The following DENND2B variants were observed in gnomAD, a reference collection of about 807,000 sequenced individuals.
DENND2B encodes DENN domain-containing protein 2B.
Under a neutral mutation model 116.0 loss-of-function variants are expected in DENND2B, and 32 were observed. The ratio of observed to expected loss-of-function variants is 0.28; its 90% confidence interval spans 0.21 to 0.37. The LOEUF (loss-of-function observed/expected upper bound fraction) is 0.37. Ranked by LOEUF, DENND2B falls within the 10% of genes least tolerant of loss-of-function variation. The pLI, the probability that DENND2B is intolerant of heterozygous loss-of-function variation, is 1.00. For missense variants in DENND2B, 1,276 were observed against 1,477.7 expected (o/e 0.86, Z 2.24); for synonymous variants, 588 against 583.9 (o/e 1.01, Z -0.10).
chr11:8,725,764 C>G (rs1480997916), intron 4 of DENND2B, among the ~76,000 whole-genome samples: 2 of 152,230 alleles, frequency 1.3e-5, no homozygotes, highest in African/African-American at 4.8e-5. Context: ...TAAGGGCACA[C>G]AGCTAAGGAA....
At position 8,713,528 on chromosome 11, in the gene DENND2B, C is replaced by T. The variant is rs577093733; in HGVS notation, c.1987+470G>A. Reference sequence around the variant, plus strand: ...CCAAGTAGCTGGTATTACACGCGCCCGCCACCGTGCCTGGCTAATTTTTGT... The same window carrying T: ...CCAAGTAGCTGGTATTACACGCGCCTGCCACCGTGCCTGGCTAATTTTTGT... On this transcript the variant is annotated intron_variant, in intron 8 of 19. Coordinates refer to ENST00000313726, the MANE Select transcript of DENND2B (RefSeq NM_213618.2). Among the ~76,000 whole-genome samples the T allele has an allele frequency of 3.3e-5, 5 of 152,250 alleles. No homozygotes were observed. In the East Asian group the frequency reaches 9.7e-4, roughly 29 times the overall value.
At chr11:8,713,869 T>C in intron 8 of DENND2B, 129 bp downstream of exon 8, 1 of 933,938 alleles carries the variant, frequency 1.1e-6, no homozygotes, top group Non-Finnish European at 1.7e-6. Context: ...TTCTGGTATC[T>C]GGCCTGTCTG....
At chr11:8,839,026 G>C (rs2062531246) in intron 4 of DENND2B, among the ~76,000 whole-genome samples, 1 of 152,194 alleles carries the variant, frequency 6.6e-6, no homozygotes, top group Non-Finnish European at 1.5e-5. Flanking sequence ...TAGAAAAAAA[G>C]CCCAAAGGCA....
intron 1 of DENND2B, among the ~76,000 whole-genome samples, chr11:8,771,149 G>A (rs924699313): frequency 1.6e-4 from 25 of 152,158 alleles, no homozygotes; most frequent in Non-Finnish European, 2.2e-4. Flanking sequence ...CAAGAGCAGC[G>A]GGATGCACAA....
chr11:8,843,791 C>T (rs1387969390), intron 3 of DENND2B, among the ~76,000 whole-genome samples: 2 of 152,196 alleles, frequency 1.3e-5, no homozygotes, highest in African/African-American at 2.4e-5. Flanking sequence ...CCTTTGCACA[C>T]ACCACTCCCT....
At chr11:8,724,264 C>T (rs189807782) in intron 4 of DENND2B, among the ~76,000 whole-genome samples, 1 of 152,164 alleles carries the variant, frequency 6.6e-6, no homozygotes, top group Admixed American at 6.5e-5. Context: ...CCACTGCACT[C>T]CAGCCTGGGT....
intron 1 of DENND2B, among the ~76,000 whole-genome samples, chr11:8,800,508 T>A (rs1047570743): frequency 6.6e-6 from 1 of 152,166 alleles, no homozygotes; most frequent in South Asian, 2.1e-4. Flanking sequence ...AACAGGATGT[T>A]TGACCATCAT....
At chr11:8,891,058 C>T (rs1445093685) in intron 1 of DENND2B, among the ~76,000 whole-genome samples, 1 of 152,146 alleles carries the variant, frequency 6.6e-6, no homozygotes, top group Non-Finnish European at 1.5e-5. Flanking sequence ...AGAAACTATA[C>T]AAGCCAGAAA....
chr11:8,845,170 G>C (rs191878505), intron 3 of DENND2B: 2 of 152,228 alleles, frequency 1.3e-5, no homozygotes, highest in Admixed American at 1.3e-4. Flanking sequence ...AACATAAAAA[G>C]TAAAATTTTA....
intron 1 of DENND2B, among the ~76,000 whole-genome samples, chr11:8,896,401 A>C (rs1379707712): frequency 6.6e-6 from 1 of 152,192 alleles, no homozygotes; most frequent in Non-Finnish European, 1.5e-5. Flanking sequence ...CAGGAATTGG[A>C]ATATATTAAT....
chr11:8,892,360 T>A (rs1353633271), intron 1 of DENND2B, among the ~76,000 whole-genome samples: 2 of 151,918 alleles, frequency 1.3e-5, no homozygotes, highest in Non-Finnish European at 2.9e-5. Context: ...AGCAAACACA[T>A]TCAAAAGCTA....
In DENND2B at chr11:8,730,880, C is replaced by T. The variant is rs2048018354; in HGVS notation, c.410G>A (p.Ser137Asn). ...GVAACLPLAQ[S>N]TPFPGPAAGP... ...AGCTGCTGGCCCCGGGAATGGCGTG[C>T]TCTGGGCAAGGGGGAGGCAGGCAGC... Residue 137 changes from serine (S) to asparagine (N), a missense_variant, in exon 3 of 20, where the codon AGC becomes AAC. By Grantham distance (46) the Ser-to-Asn change is conservative (BLOSUM62 1). This residue lies in a region of DENND2B where 856 missense variants were observed against 846.6 expected (regional missense o/e 1.01). Coordinates refer to ENST00000313726, the MANE Select transcript of DENND2B (RefSeq NM_213618.2). This position sits in a 1 kb window ranked among gnomAD's most constrained non-coding sequence, Gnocchi z 4.1. The T allele has an allele frequency of 6.2e-7, 1 of 1,613,864 alleles. No homozygotes were observed. The highest frequency in any genetic ancestry group is 2.2e-5 in the East Asian group (1 of 44,866).
chr11:8,763,886 C>G (rs1181975676), intron 1 of DENND2B, among the ~76,000 whole-genome samples: 1 of 152,026 alleles, frequency 6.6e-6, no homozygotes, highest in East Asian at 1.9e-4. Context: ...ATACAGAGCT[C>G]AGCAGATTTG....
intron 18 of DENND2B, 183 bp from the exon 19 acceptor site, chr11:8,695,732 A>G: frequency 1.7e-6 from 1 of 600,318 alleles, no homozygotes; most frequent in East Asian, 2.8e-5. Flanking sequence ...CATTAGTGAC[A>G]TCTTGCCGGG....
chr11:8,706,985 G>A, intron 13 of DENND2B, 100 bp downstream of exon 13: 1 of 1,435,146 alleles, frequency 7.0e-7, no homozygotes, highest in Non-Finnish European at 9.4e-7. Flanking sequence ...AGCAAGGAGG[G>A]ACCGTGCTCT....
intron 2 of DENND2B, among the ~76,000 whole-genome samples, chr11:8,879,870 A>C (rs542355949): frequency 3.9e-5 from 6 of 152,246 alleles, no homozygotes; most frequent in Admixed American, 1.3e-4. Context: ...ATGCTTAGTG[A>C]ATTCAAATAA....
At chr11:8,897,841 A>G (rs1594355727) in intron 1 of DENND2B, among the ~76,000 whole-genome samples, 2 of 152,158 alleles carry the variant, frequency 1.3e-5, no homozygotes, top group African/African-American at 4.8e-5. Flanking sequence ...GCTGGAGCAC[A>G]GTGGCACAAT....
At chr11:8,698,137 C>CAAAAAAAAAAAAAAA (rs33975736) in intron 16 of DENND2B, among the ~76,000 whole-genome samples, 4 of 39,824 alleles carry the variant, frequency 1.0e-4, no homozygotes, top group Non-Finnish European at 1.9e-4. Flanking sequence ...ACCCTGTCTC[C>CAAAAAAAAAAAAAAA]AAAAAAAAAA....
chr11:8,713,586 T>C (rs1255645559), intron 8 of DENND2B, among the ~76,000 whole-genome samples: 1 of 152,158 alleles, frequency 6.6e-6, no homozygotes, highest in East Asian at 1.9e-4. Flanking sequence ...TTCACCATCT[T>C]AGCCAGGCTG....
Sources: gnomAD v4.1 joint callset for allele counts (sites outside exome capture counted in the v4.1 genomes callset) on GRCh38, gnomAD v4.1.1 for gene constraint, gnomAD v4.1.1 regional missense constraint, Gnocchi (gnomAD v3.1) non-coding constraint, MANE v1.5 for transcripts, NCBI Gene and HGNC (gene_info 2026-07-23, HGNC 2026-07-21) for gene names.